The following NUP62CL variants were observed in gnomAD, a reference collection of about 807,000 sequenced individuals.
NUP62CL encodes nucleoporin-62 C-terminal-like protein.
In NUP62CL, 13 loss-of-function variants were observed where a neutral mutation model predicts 15.3. The observed-to-expected ratio is 0.85, with a 90% CI of 0.55 to 1.35. The LOEUF (loss-of-function observed/expected upper bound fraction) is 1.35. Ranked by LOEUF, NUP62CL falls within the 40% of genes most tolerant of loss-of-function variation. NUP62CL has a pLI of 0.00. For synonymous variants in NUP62CL, 54 were observed against 49.2 expected (o/e 1.10, Z -0.41); for missense variants, 123 against 130.6 (o/e 0.94, Z 0.28).
At chrX:107,198,475 C>T (rs187359568) in intron 1 of NUP62CL, among the ~76,000 whole-genome samples, 368 of 112,093 alleles carry the variant, frequency 3.3e-3, no homozygotes, top group Middle Eastern at 9.1e-3. Context: ...GCTGATCACT[C>T]TTTGGGTCCA....
chrX:107,143,756 C>T (rs1000578029), intron 8 of NUP62CL, among the ~76,000 whole-genome samples: 19 of 111,568 alleles, frequency 1.7e-4, no homozygotes, highest in Non-Finnish European at 1.7e-4. Context: ...TTTTCTATAA[C>T]GATTATTTGA....
At chrX:107,181,421 TTTTC>T (rs1435007170) in intron 2 of NUP62CL, among the ~76,000 whole-genome samples, 9 of 111,665 alleles carry the variant, frequency 8.1e-5, no homozygotes, top group Middle Eastern at 4.6e-3. Context: ...TTTCACTGAT[TTTTC>T]TTTCTATCCC....
At chrX:107,156,746 G>A (rs1195917697) in intron 4 of NUP62CL, among the ~76,000 whole-genome samples, 1 of 103,937 alleles carries the variant, frequency 9.6e-6, no homozygotes, top group Non-Finnish European at 2.0e-5. Context: ...AAGGAACGCA[G>A]TTCCTCACCA....
At position 107,124,130 on chromosome X, in the gene NUP62CL, G is replaced by A. The variant is rs1925330689; in HGVS notation, c.*245C>T. ...ACAATACTTAAATGAAAAAAAGGAT[G>A]CACAATTCATTATGATCAAGATGAA... On this transcript the variant is annotated 3_prime_UTR_variant, in exon 9 of 9. Coordinates refer to ENST00000372466, the MANE Select transcript of NUP62CL (RefSeq NM_017681.3). The A allele has an allele frequency of 3.7e-6, 1 of 272,146 alleles. No individual in the cohort carries two copies. The allele number at this position is 272,146 out of a possible 1,213,427, so 22.4% of individuals were successfully genotyped here.
chrX:107,159,450 T>C (rs1382877290), intron 4 of NUP62CL, among the ~76,000 whole-genome samples: 1 of 45,154 alleles, frequency 2.2e-5, no homozygotes, highest in Non-Finnish European at 3.7e-5. Context: ...GTGGGCTTCA[T>C]CCCTGGGATG....
intron 8 of NUP62CL, among the ~76,000 whole-genome samples, chrX:107,135,943 G>A (rs1206627189): frequency 1.8e-5 from 2 of 110,953 alleles, no homozygotes; most frequent in Non-Finnish European, 3.8e-5. Context: ...CACCCACGCT[G>A]TATATGCTAC....
intron 6 of NUP62CL, 69 bp downstream of exon 6, chrX:107,153,385 A>AG: frequency 1.8e-6 from 2 of 1,088,992 alleles, no homozygotes; most frequent in Non-Finnish European, 2.5e-6. Context: ...AAACTACAGA[A>AG]GGAAAAAAAA....
chrX:107,191,407 T>G lies in NUP62CL; in HGVS notation c.-48+1622A>C, dbSNP rs183087194. ...GTAGTTCAGAAAATTTTGTCTTCTGTAGAGACAAAAGGACTTATATGGCCG... is the reference window on the plus strand; with the variant it reads ...GTAGTTCAGAAAATTTTGTCTTCTGGAGAGACAAAAGGACTTATATGGCCG... On this transcript the variant is annotated intron_variant, in intron 2 of 8. Transcript: ENST00000372466. Among the ~76,000 whole-genome samples the G allele has an allele frequency of 2.0e-3, 221 of 109,678 alleles. No homozygotes were observed. In the East Asian group the frequency reaches 0.029, roughly 15 times the overall value.
At chrX:107,189,828 GGGAAGGAA>G (rs147140354) in intron 2 of NUP62CL, among the ~76,000 whole-genome samples, 12,292 of 53,538 alleles carry the variant, frequency 0.23, 1,544 homozygotes, top group East Asian at 0.35. Context: ...GAAAGAAGGA[GGGAAGGAA>G]GGAAGGAAGG....
chrX:107,203,184 T>C (rs903612614), intron 1 of NUP62CL, among the ~76,000 whole-genome samples: 11 of 108,993 alleles, frequency 1.0e-4, no homozygotes, highest in African/African-American at 3.7e-4. Context: ...ACATAAGTTA[T>C]AGAAATGATT....
At chrX:107,183,326 G>C (rs887795134) in intron 2 of NUP62CL, among the ~76,000 whole-genome samples, 3 of 111,046 alleles carry the variant, frequency 2.7e-5, no homozygotes, top group Non-Finnish European at 5.7e-5. Context: ...CCCAGGAGTG[G>C]TGGCTCACAC....
intron 4 of NUP62CL, among the ~76,000 whole-genome samples, chrX:107,165,061 A>C (rs948755191): frequency 8.9e-6 from 1 of 112,493 alleles, no homozygotes; most frequent in Admixed American, 9.4e-5. Flanking sequence ...AGATCGTGCC[A>C]CTGCACTCCA....
intron 2 of NUP62CL, among the ~76,000 whole-genome samples, chrX:107,191,365 G>A (rs1254552561): frequency 9.2e-6 from 1 of 108,812 alleles, no homozygotes; most frequent in Non-Finnish European, 1.9e-5. Context: ...ATTTAAAAAT[G>A]TTTTAATGGG....
At chrX:107,146,690 A>T (rs1450431079) in intron 8 of NUP62CL, among the ~76,000 whole-genome samples, 1 of 110,967 alleles carries the variant, frequency 9.0e-6, no homozygotes, top group African/African-American at 3.3e-5. Flanking sequence ...TTTTCCCTCA[A>T]TCTATTATAA....
chrX:107,155,094 C>T (rs758990821), intron 4 of NUP62CL, among the ~76,000 whole-genome samples: 4 of 111,521 alleles, frequency 3.6e-5, no homozygotes, highest in African/African-American at 6.5e-5. Context: ...GATCCCACTT[C>T]CTGCCATCCA....
intron 8 of NUP62CL, among the ~76,000 whole-genome samples, chrX:107,143,386 AT>A (rs530360538): frequency 7.5e-5 from 8 of 106,054 alleles, no homozygotes; most frequent in Admixed American, 1.0e-4. Flanking sequence ...ACACCCAGCT[AT>A]TTTTTTTTTA....
chrX:107,186,547 ATT>A (rs1372437637), intron 2 of NUP62CL, among the ~76,000 whole-genome samples: 1 of 111,685 alleles, frequency 9.0e-6, no homozygotes, highest in Non-Finnish European at 1.9e-5. Context: ...TGTCAGTAGC[ATT>A]TGGGGTACAA....
At chrX:107,193,634 G>T (rs866063923) in intron 1 of NUP62CL, among the ~76,000 whole-genome samples, 40 of 110,395 alleles carry the variant, frequency 3.6e-4, no homozygotes, top group African/African-American at 1.2e-3. Flanking sequence ...GTCCAGGCAG[G>T]TTGCCCATGA....
At chrX:107,167,857 T>TA in intron 3 of NUP62CL, 73 bp from the exon 4 acceptor site, 1 of 975,212 alleles carries the variant, frequency 1.0e-6, no homozygotes, top group Non-Finnish European at 1.4e-6. Context: ...CATTCAGATT[T>TA]AAAATTATGG....
Sources: gnomAD v4.1 joint callset for allele counts (sites outside exome capture counted in the v4.1 genomes callset) on GRCh38, gnomAD v4.1.1 for gene constraint, MANE v1.5 for transcripts, NCBI Gene and HGNC (gene_info 2026-07-23, HGNC 2026-07-21) for gene names.